WDHD1: variants seen among roughly 807,000 people sequenced by gnomAD.
The protein encoded by WDHD1 is WD repeat and HMG-box DNA binding protein 1, also known as WD repeat and HMG-box DNA-binding protein 1.
In WDHD1, 111 loss-of-function variants were observed where a neutral mutation model predicts 135.4. The ratio of observed to expected loss-of-function variants is 0.82; its 90% CI spans 0.70 to 0.96. The LOEUF (loss-of-function observed/expected upper bound fraction) is 0.96. WDHD1 is among the 40% of genes least tolerant of loss of function. The probability of loss-of-function intolerance (pLI) is 0.00; values close to 1 mark genes in which losing one functional copy is unlikely to be tolerated. For synonymous variants in WDHD1, 434 were observed against 439.0 expected (o/e 0.99, Z 0.14); for missense variants, 1,351 against 1,336.3 (o/e 1.01, Z -0.17).
intron 18 of WDHD1, among the ~76,000 whole-genome samples, chr14:54,964,475 T>C (rs891264433): frequency 7.2e-5 from 11 of 151,750 alleles, no homozygotes; most frequent in African/African-American, 2.4e-4. Flanking sequence ...ACAGTCTCTA[T>C]TAAAAATACA....
chr14:54,957,452 C>T (rs2041179129), intron 22 of WDHD1, 140 bp downstream of exon 22: 1 of 867,172 alleles, frequency 1.2e-6, no homozygotes, highest in Admixed American at 3.1e-5. Context: ...ACTCTCAGCC[C>T]AAGTGCTGCT....
At position 54,946,958 on chromosome 14, in the gene WDHD1, G is replaced by C. The variant is rs139562239; in HGVS notation, c.3051-2488C>G. On this transcript the variant is annotated intron_variant, in intron 24 of 25. Transcript: ENST00000360586. The stretch of plus-strand genomic sequence containing the variant: ...CTCAGGAGGCTGAGGCATGAGAATT[G>C]CTTGAACCCAGAAGGTGGAGGTTGC... Among the ~76,000 whole-genome samples the C allele has an allele frequency of 9.9e-5, 15 of 150,866 alleles. No homozygotes were observed. The East Asian group carries it at 2.8e-3, about 28-fold the overall frequency.
chr14:54,963,279 T>C (rs918770719), intron 18 of WDHD1, 107 bp from the exon 19 acceptor site: 3 of 832,498 alleles, frequency 3.6e-6, no homozygotes, highest in Admixed American at 2.6e-5. Flanking sequence ...CTAGCTACTC[T>C]ATCTCCCTAA....
chr14:54,951,183 C>G (rs1378186163), intron 24 of WDHD1, among the ~76,000 whole-genome samples: 1 of 151,680 alleles, frequency 6.6e-6, no homozygotes, highest in Non-Finnish European at 1.5e-5. Context: ...CACAAAAAAG[C>G]CTTCAAAAAA....
chr14:54,959,669 G>A (rs1308970533), intron 21 of WDHD1, among the ~76,000 whole-genome samples: 1 of 152,082 alleles, frequency 6.6e-6, no homozygotes, highest in Non-Finnish European at 1.5e-5. Flanking sequence ...TCAGTAGGGT[G>A]AGGCAGGAGG....
rs2040825520 is a variant in WDHD1, at chr14:54,940,766, T to C, written c.*724A>G. ...CTGTCACAGCAGTGTCTTCAGTTCTTCTCTACTGTGTATAATGCAGAGCAA... is the reference window on the plus strand; with the variant it reads ...CTGTCACAGCAGTGTCTTCAGTTCTCCTCTACTGTGTATAATGCAGAGCAA... On this transcript the variant is annotated 3_prime_UTR_variant, in exon 26 of 26. Coordinates refer to ENST00000360586, the MANE Select transcript of WDHD1 (RefSeq NM_007086.4). 6.6e-6 allele frequency: 1 copy of C among 152,134 alleles called. No individual in the cohort carries two copies. Among genetic ancestry groups the C allele is most frequent in the Admixed American group, 6.5e-5 (1 of 15,270 alleles). 9.4% of individuals were successfully genotyped at this position (152,134 alleles called of 1,614,324 possible). A position where few individuals can be genotyped will look rare whatever the true frequency, so the allele number is the denominator to read the frequency against.
In WDHD1 at chr14:54,970,661, C is replaced by G. The variant is rs561848550; in HGVS notation, c.2064-3267G>C. Among the ~76,000 whole-genome samples, 7 of 150,514 alleles carry G rather than the reference C, an allele frequency of 4.7e-5. No homozygotes were observed. The East Asian group carries it at 1.4e-3, about 29-fold the overall frequency. On this transcript the variant is annotated intron_variant, in intron 16 of 25. Transcript: ENST00000360586. The stretch of plus-strand genomic sequence containing the variant: ...AGAAAGAAAGAAGAAAGAAAAAGAC[C>G]ATACTCCCCAAAGCAATCTATAGAT...
At position 54,975,884 on chromosome 14, in the gene WDHD1, T is replaced by C. The variant is rs149011490; in HGVS notation, c.2063+5656A>G. 6.3e-3 allele frequency among the ~76,000 whole-genome samples: 961 copies of C among 152,238 alleles called. 9 individuals are homozygous for C. The highest frequency in any genetic ancestry group is 0.022 in the African/African-American group (906 of 41,520). On this transcript the variant is annotated intron_variant, in intron 16 of 25. Coordinates refer to ENST00000360586, the MANE Select transcript of WDHD1 (RefSeq NM_007086.4). ...ACAAAATGTACTTTCTTTTAAAGGATCTCTGAACAAAAAGAAAGCATAAAT... is the reference window on the plus strand; with the variant it reads ...ACAAAATGTACTTTCTTTTAAAGGACCTCTGAACAAAAAGAAAGCATAAAT...
intron 7 of WDHD1, chr14:55,005,756 T>A: frequency 2.6e-6 from 1 of 380,526 alleles, no homozygotes; most frequent in Non-Finnish European, 4.9e-6. Flanking sequence ...CTCTGGGTAG[T>A]GCAGAAAGCC....
At chr14:54,952,597 C>G (rs1595060525) in intron 24 of WDHD1, among the ~76,000 whole-genome samples, 1 of 152,306 alleles carries the variant, frequency 6.6e-6, no homozygotes, top group Admixed American at 6.5e-5. Context: ...AATGCCATCC[C>G]CATCAAGCTA....
intron 23 of WDHD1, 104 bp downstream of exon 23, chr14:54,956,929 TG>T: frequency 7.1e-7 from 1 of 1,399,830 alleles, no homozygotes; most frequent in Non-Finnish European, 9.6e-7. Context: ...GCAAGACAAT[TG>T]TAAACAATCA....
intron 12 of WDHD1, among the ~76,000 whole-genome samples, chr14:54,990,750 A>G (rs2041772390): frequency 1.3e-5 from 2 of 152,194 alleles, no homozygotes; most frequent in African/African-American, 4.8e-5. Context: ...ATCCTCGTGT[A>G]GCTTACATTC....
At chr14:54,965,706 A>G (rs1005525228) in intron 18 of WDHD1, among the ~76,000 whole-genome samples, 9 of 152,178 alleles carry the variant, frequency 5.9e-5, no homozygotes, top group African/African-American at 2.2e-4. Context: ...CTGTGATCCC[A>G]GCACTTTCGG....
intron 2 of WDHD1, among the ~76,000 whole-genome samples, chr14:55,020,387 A>G (rs2042325743): frequency 6.6e-6 from 1 of 152,108 alleles, no homozygotes; most frequent in Non-Finnish European, 1.5e-5. Flanking sequence ...AGAGTCTATT[A>G]TTTCCTGTTC....
intron 12 of WDHD1, 84 bp from the exon 13 acceptor site, chr14:54,989,296 ATAT>A: frequency 1.0e-6 from 1 of 961,576 alleles, no homozygotes; most frequent in Non-Finnish European, 1.5e-6. Context: ...AAATTAACAA[ATAT>A]TATAATTAAA....
At chr14:54,958,549 C>T (rs1426953237) in intron 21 of WDHD1, among the ~76,000 whole-genome samples, 1 of 152,202 alleles carries the variant, frequency 6.6e-6, no homozygotes, top group East Asian at 1.9e-4. Flanking sequence ...TTGCTAAGGC[C>T]CTCAGTGATC....
chr14:55,023,391 A>G (rs1355349232), intron 2 of WDHD1, among the ~76,000 whole-genome samples: 2 of 152,226 alleles, frequency 1.3e-5, no homozygotes, highest in African/African-American at 4.8e-5. Context: ...ACAGTGTCTC[A>G]AATTTCCTTT....
rs1015627762 is a variant in WDHD1, at chr14:54,939,207, G to C, written c.*2283C>G. The C allele has an allele frequency of 6.6e-6, 1 of 152,082 alleles. No individual in the cohort carries two copies. The highest frequency in any genetic ancestry group is 1.5e-5 in the Non-Finnish European group (1 of 68,004). 9.4% of individuals were successfully genotyped at this position (152,082 alleles called of 1,614,324 possible). A position where few individuals can be genotyped will look rare whatever the true frequency, so the allele number is the denominator to read the frequency against. ...AATAAAACAGATGGGAAACAAAGAG[G>C]GCCCATAAGACAGTCACTGATTAAG... On this transcript the variant is annotated 3_prime_UTR_variant, in exon 26 of 26. Coordinates refer to ENST00000360586, the MANE Select transcript of WDHD1 (RefSeq NM_007086.4).
intron 23 of WDHD1, 138 bp from the exon 24 acceptor site, chr14:54,955,832 G>T: frequency 5.5e-6 from 4 of 727,026 alleles, no homozygotes; most frequent in Non-Finnish European, 7.3e-6. Flanking sequence ...GGAGTTCTCA[G>T]TTGTAAATAA....
Sources: allele counts gnomAD v4.1 joint callset (sites outside exome capture counted in the v4.1 genomes callset), GRCh38; gene constraint gnomAD v4.1.1; transcripts MANE v1.5; gene names NCBI Gene and HGNC (gene_info 2026-07-23, HGNC 2026-07-21).